DLC1: variants seen among roughly 807,000 people sequenced by gnomAD.
DLC1 encodes DLC1 Rho GTPase activating protein, also known as rho GTPase-activating protein 7.
Under a neutral mutation model 140.3 loss-of-function variants are expected in DLC1, and 54 were observed. The observed-to-expected ratio is 0.38, with a 90% CI of 0.31 to 0.48. The LOEUF (loss-of-function observed/expected upper bound fraction) is 0.48. Among genes scored for constraint, DLC1 ranks in the 20% least tolerant of loss-of-function variants. The pLI is 0.96. For missense variants in DLC1, 2,536 were observed against 1,907.0 expected, an observed-to-expected ratio of 1.33 and a Z score of -6.14; for synonymous variants, 986 against 728.1, an observed-to-expected ratio of 1.35 and a Z score of -5.70.
chr8:13,103,003 A>C lies in DLC1; in HGVS notation c.1503-150T>G, dbSNP rs139095926. 3.1e-3 allele frequency: 2,081 copies of C among 673,858 alleles called. 40 individuals are homozygous for C. In the African/African-American group the frequency reaches 0.034, roughly 11 times the overall value. 41.7% of individuals were successfully genotyped at this position (673,858 alleles called of 1,614,324 possible). A position where few individuals can be genotyped will look rare whatever the true frequency, so the allele number is the denominator to read the frequency against. On this transcript the variant is annotated intron_variant, in intron 7 of 17. Coordinates refer to ENST00000276297, the MANE Select transcript of DLC1 (RefSeq NM_182643.3). ...TAGAGGAGTATTAGAAACTTATTTA[A>C]AAAGTGAGTCATTTAAAAATACCTT...
At chr8:13,474,354 A>C (rs1212214528) in intron 2 of DLC1, among the ~76,000 whole-genome samples, 1 of 152,156 alleles carries the variant, frequency 6.6e-6, no homozygotes, top group African/African-American at 2.4e-5. Context: ...ATGTATGGAA[A>C]CACCTGGATG....
intron 5 of DLC1, among the ~76,000 whole-genome samples, chr8:13,197,185 A>G (rs141207266): frequency 2.0e-4 from 30 of 152,312 alleles, no homozygotes; most frequent in African/African-American, 6.7e-4. Context: ...ATGATCTTCA[A>G]AATTTCGGAA....
intron 1 of DLC1, among the ~76,000 whole-genome samples, chr8:13,550,273 A>G (rs562129354): frequency 3.5e-4 from 53 of 152,092 alleles, no homozygotes; most frequent in South Asian, 1.0e-3. Context: ...CTCTGCTCAC[A>G]CTGTGCTTCT....
intron 5 of DLC1, among the ~76,000 whole-genome samples, chr8:13,302,273 A>G (rs1586097199): frequency 1.3e-5 from 2 of 152,202 alleles, no homozygotes; most frequent in Non-Finnish European, 2.9e-5. Context: ...TTGAGTTCCT[A>G]TGGGGCAGAG....
intron 2 of DLC1, among the ~76,000 whole-genome samples, chr8:13,417,719 C>T (rs1838137691): frequency 6.6e-6 from 1 of 152,086 alleles, no homozygotes; most frequent in Non-Finnish European, 1.5e-5. Flanking sequence ...CCTTTGGGTT[C>T]ATACCCAGTA....
chr8:13,578,437 G>A (rs1188006837), intron 1 of DLC1, among the ~76,000 whole-genome samples: 1 of 152,034 alleles, frequency 6.6e-6, no homozygotes, highest in African/African-American at 2.4e-5. Flanking sequence ...ATACAAACTG[G>A]GTGTCCTAGA....
intron 5 of DLC1, among the ~76,000 whole-genome samples, chr8:13,136,499 G>A (rs1253214449): frequency 6.6e-6 from 1 of 152,176 alleles, no homozygotes; most frequent in African/African-American, 2.4e-5. Flanking sequence ...TCATGTTGCT[G>A]CAAAGGACAT....
chr8:13,098,035 A>G (rs1329822060), intron 10 of DLC1, among the ~76,000 whole-genome samples: 2 of 27,142 alleles, frequency 7.4e-5, no homozygotes, highest in African/African-American at 4.0e-4. Flanking sequence ...AGGAAAAAAG[A>G]AAAAAAAAAA....
chr8:13,095,370 T>G, intron 10 of DLC1, 125 bp from the exon 11 acceptor site: 1 of 1,223,868 alleles, frequency 8.2e-7, no homozygotes, highest in Non-Finnish European at 1.1e-6. Context: ...GCTACTTAAA[T>G]TTAAATTAAA....
At chr8:13,190,012 C>G (rs1470772880) in intron 5 of DLC1, among the ~76,000 whole-genome samples, 1 of 152,120 alleles carries the variant, frequency 6.6e-6, no homozygotes, top group Non-Finnish European at 1.5e-5. Flanking sequence ...ATGAAGCCAT[C>G]ATTGTAATTT....
intron 5 of DLC1, among the ~76,000 whole-genome samples, chr8:13,158,230 G>A (rs1425484934): frequency 1.3e-5 from 2 of 152,178 alleles, no homozygotes; most frequent in Non-Finnish European, 2.9e-5. Flanking sequence ...TTAATTGTGT[G>A]TCTGACTTTT....
intron 1 of DLC1, among the ~76,000 whole-genome samples, chr8:13,588,233 C>A (rs757446471): frequency 2.0e-5 from 3 of 151,998 alleles, no homozygotes; most frequent in Non-Finnish European, 4.4e-5. Flanking sequence ...AATAGACAAA[C>A]CCTGGTGCCC....
At chr8:13,513,332 G>A (rs1164158145) in intron 1 of DLC1, among the ~76,000 whole-genome samples, 2 of 152,042 alleles carry the variant, frequency 1.3e-5, no homozygotes, top group African/African-American at 2.4e-5. Flanking sequence ...TATATAAAAA[G>A]TAGATTCTTT....
chr8:13,212,425 A>T (rs921369049), intron 5 of DLC1, among the ~76,000 whole-genome samples: 4 of 152,154 alleles, frequency 2.6e-5, no homozygotes, highest in African/African-American at 9.7e-5. Flanking sequence ...TTGCCTCTGC[A>T]TTTATTGCTA....
chr8:13,243,957 A>G (rs1171245646), intron 5 of DLC1, among the ~76,000 whole-genome samples: 1 of 152,110 alleles, frequency 6.6e-6, no homozygotes, highest in Non-Finnish European at 1.5e-5. Context: ...CAGGCACCTC[A>G]TACTCACTCT....
chr8:13,210,321 A>G (rs1585916660), intron 5 of DLC1, among the ~76,000 whole-genome samples: 1 of 152,280 alleles, frequency 6.6e-6, no homozygotes, highest in Non-Finnish European at 1.5e-5. Flanking sequence ...GAAGACCAGG[A>G]TATTTATTAA....
intron 5 of DLC1, among the ~76,000 whole-genome samples, chr8:13,131,851 C>T (rs935882608): frequency 6.6e-6 from 1 of 152,228 alleles, no homozygotes; most frequent in Non-Finnish European, 1.5e-5. Flanking sequence ...AGCCTGACCC[C>T]GTGTCCCCTC....
chr8:13,417,431 TTCCC>T (rs1838119632), intron 2 of DLC1, among the ~76,000 whole-genome samples: 1 of 140,350 alleles, frequency 7.1e-6, no homozygotes, highest in African/African-American at 2.6e-5. Flanking sequence ...CACTGTTCAA[TTCCC>T]ATCTATGAGT....
chr8:13,474,964 C>G (rs865858795), intron 2 of DLC1, among the ~76,000 whole-genome samples: 1 of 152,138 alleles, frequency 6.6e-6, no homozygotes, highest in Non-Finnish European at 1.5e-5. Context: ...TGCTCCACCA[C>G]GCTTAGCTAA....
Sources: gnomAD v4.1 joint callset for allele counts (sites outside exome capture counted in the v4.1 genomes callset) on GRCh38, gnomAD v4.1.1 for gene constraint, MANE v1.5 for transcripts, NCBI Gene and HGNC (gene_info 2026-07-23, HGNC 2026-07-21) for gene names.